Variants in SCMH1 observed in about 807,000 individuals in gnomAD.
SCMH1 encodes polycomb protein SCMH1.
A neutral mutation model predicts 70.8 loss-of-function variants in SCMH1; 37 were observed. That is an observed-to-expected ratio of 0.52 (90% confidence interval 0.40 to 0.69). The LOEUF (loss-of-function observed/expected upper bound fraction) is 0.69. Among genes scored for constraint, SCMH1 ranks in the 30% least tolerant of loss-of-function variants. The probability of loss-of-function intolerance (pLI) is 0.00; values close to 1 mark genes in which losing one functional copy is unlikely to be tolerated. For missense variants in SCMH1, 607 were observed against 827.3 expected (o/e 0.73, Z 3.27); for synonymous variants, 292 against 307.4 (o/e 0.95, Z 0.52).
Position 41,178,262 on chromosome 1 carries a change from T to G in SCMH1, c.13+7859A>C, listed in dbSNP as rs1248407010. 2.0e-5 allele frequency among the ~76,000 whole-genome samples: 3 copies of G among 152,228 alleles called. No individual in the cohort carries two copies. The East Asian group carries it at 5.8e-4, about 29-fold the overall frequency. On this transcript the variant is annotated intron_variant, in intron 2 of 14. Coordinates refer to ENST00000337495, the Ensembl canonical transcript of SCMH1. The stretch of plus-strand genomic sequence containing the variant: ...AGCACTAAACACGGAAAGGAACAAC[T>G]GGTACCAGCCACTGCAAAAACATGC...
At chr1:41,202,764 T>A (rs1654659225) in intron 1 of SCMH1, among the ~76,000 whole-genome samples, 1 of 152,050 alleles carries the variant, frequency 6.6e-6, no homozygotes, top group Non-Finnish European at 1.5e-5. Context: ...TGTTTCAGAA[T>A]CTCTAGAGGT....
rs575874987 is a variant in SCMH1 at position 41,053,022 on chromosome 1, A to G, written c.1106-4132T>C. Among the ~76,000 whole-genome samples the G allele has an allele frequency of 2.0e-5, 3 of 149,410 alleles. 1 individual carries two copies. In the South Asian group the frequency reaches 6.4e-4, roughly 32 times the overall value. On this transcript the variant is annotated intron_variant, in intron 10 of 14. Transcript: ENST00000337495. Reference sequence around the variant, plus strand: ...AACCTCCACCTCCCGGATTTAAGTGATTCTCCTGCCTCAGCCTCCTGAGTA... The same window carrying G: ...AACCTCCACCTCCCGGATTTAAGTGGTTCTCCTGCCTCAGCCTCCTGAGTA...
intron 1 of SCMH1, among the ~76,000 whole-genome samples, chr1:41,222,345 T>C (rs1019734425): frequency 5.9e-5 from 9 of 152,180 alleles, no homozygotes; most frequent in Non-Finnish European, 1.2e-4. Flanking sequence ...TTGGTGAAGA[T>C]AGGCAAAGAA....
intron 9 of SCMH1, among the ~76,000 whole-genome samples, 170 bp from the exon 10 acceptor site, chr1:41,070,891 A>G (rs1656250739): frequency 6.6e-6 from 1 of 152,198 alleles, no homozygotes; most frequent in African/African-American, 2.4e-5. Context: ...CCTGTAGTAG[A>G]TGCTTAGTAG....
At chr1:41,121,531 A>T (rs1209590233) in intron 6 of SCMH1, among the ~76,000 whole-genome samples, 1 of 152,170 alleles carries the variant, frequency 6.6e-6, no homozygotes, top group Non-Finnish European at 1.5e-5. Context: ...TCTATAAGGA[A>T]AAGGACAGGT....
chr1:41,027,599 T>A (rs1558236274), exon 15 of SCMH1: 1 of 152,346 alleles, frequency 6.6e-6, no homozygotes, highest in Non-Finnish European at 1.5e-5. Flanking sequence ...TAGGGTAGTG[T>A]CCTCTGAAGA....
chr1:41,092,586 A>G (rs981643705), intron 8 of SCMH1, among the ~76,000 whole-genome samples: 18 of 152,240 alleles, frequency 1.2e-4, no homozygotes, highest in African/African-American at 3.6e-4. Flanking sequence ...TGAACAGGCA[A>G]CCTACAAAAT....
chr1:41,106,222 C>G lies in SCMH1; in HGVS notation c.745+7061G>C, dbSNP rs777850531. 4.6e-5 allele frequency among the ~76,000 whole-genome samples: 7 copies of G among 151,748 alleles called. No homozygotes were observed. The South Asian group carries it at 8.3e-4, about 18-fold the overall frequency. ...ATATTTTGTCCCTGCCCAAATCTCA[C>G]GTCAAACTGTAAGCCCCAGCGTTGG... On this transcript the variant is annotated intron_variant, in intron 8 of 14. Coordinates refer to ENST00000337495, the Ensembl canonical transcript of SCMH1.
chr1:41,160,233 T>C (rs540542322), intron 4 of SCMH1, among the ~76,000 whole-genome samples: 2 of 152,308 alleles, frequency 1.3e-5, no homozygotes, highest in South Asian at 4.1e-4. Flanking sequence ...TACAGGTATC[T>C]GGATATCAAA....
At chr1:41,109,055 T>A (rs886286922) in intron 8 of SCMH1, among the ~76,000 whole-genome samples, 2 of 152,134 alleles carry the variant, frequency 1.3e-5, no homozygotes, top group African/African-American at 4.8e-5. Context: ...GGGAAGAGTA[T>A]CAGGGAGACA....
chr1:41,167,471 C>A (rs940713035), intron 2 of SCMH1, among the ~76,000 whole-genome samples: 3 of 152,132 alleles, frequency 2.0e-5, no homozygotes, highest in African/African-American at 7.2e-5. Flanking sequence ...GTGTCTGGTA[C>A]AATTTGGCTA....
At chr1:41,196,167 A>G (rs575157465) in intron 1 of SCMH1, among the ~76,000 whole-genome samples, 1 of 152,310 alleles carries the variant, frequency 6.6e-6, no homozygotes, top group Admixed American at 6.5e-5. Flanking sequence ...GATTCAACGC[A>G]ATCCCTATCA....
chr1:41,148,099 A>G (rs1644746720), intron 5 of SCMH1, among the ~76,000 whole-genome samples: 1 of 152,152 alleles, frequency 6.6e-6, no homozygotes. Flanking sequence ...TATAGTACAA[A>G]CATCTTTAAC....
rs899255016 is a variant in SCMH1 at position 41,113,215 on chromosome 1, T to C, written c.745+68A>G. On this transcript the variant is annotated intron_variant, in intron 8 of 14. Transcript: ENST00000337495. This position sits in a 1 kb window ranked among gnomAD's most constrained non-coding sequence, Gnocchi z 4.3. ...AAGTATACTGGTGAAGATATGATCATGACAGCCCTGGGTAGTCTCCCTTAT... is the reference window on the plus strand; with the variant it reads ...AAGTATACTGGTGAAGATATGATCACGACAGCCCTGGGTAGTCTCCCTTAT... The C allele has an allele frequency of 1.3e-6, 2 of 1,556,650 alleles. No individual in the cohort carries two copies. Among genetic ancestry groups the C allele is most frequent in the African/African-American group, 1.4e-5 (1 of 73,162 alleles).
chr1:41,057,314 G>A (rs1244960745), intron 10 of SCMH1, among the ~76,000 whole-genome samples: 2 of 152,058 alleles, frequency 1.3e-5, no homozygotes, highest in East Asian at 1.9e-4. Flanking sequence ...CGCCCAGGCC[G>A]GAGTGCAGTG....
intron 4 of SCMH1, chr1:41,159,707 A>T (rs529233720): frequency 2.0e-6 from 3 of 1,528,754 alleles, no homozygotes; most frequent in South Asian, 2.6e-5. Flanking sequence ...TCATTTATCA[A>T]GTGCCAGGCA....
chr1:41,217,112 T>C (rs1305025533), intron 1 of SCMH1, among the ~76,000 whole-genome samples: 2 of 152,220 alleles, frequency 1.3e-5, no homozygotes, highest in Admixed American at 6.5e-5. Flanking sequence ...CTAAATTTCC[T>C]TGAAGAGATA....
chr1:41,043,505 C>T (rs972899145), intron 12 of SCMH1: 19 of 151,628 alleles, frequency 1.3e-4, no homozygotes, highest in African/African-American at 4.4e-4. Context: ...TCACTGCAAG[C>T]TCCGCCTCCC....
chr1:41,111,417 G>A (rs1669216020), intron 8 of SCMH1, among the ~76,000 whole-genome samples: 1 of 152,188 alleles, frequency 6.6e-6, no homozygotes, highest in Admixed American at 6.5e-5. Context: ...TTGGCTCACT[G>A]CAACCTCTGC....
Sources: allele counts gnomAD v4.1 joint callset (sites outside exome capture counted in the v4.1 genomes callset), GRCh38; gene constraint gnomAD v4.1.1; non-coding constraint Gnocchi (gnomAD v3.1); transcripts MANE v1.5; gene names NCBI Gene and HGNC (gene_info 2026-07-23, HGNC 2026-07-21).